The following BNC2 variants were observed in gnomAD, a reference collection of about 807,000 sequenced individuals.
BNC2 encodes basonuclin zinc finger protein 2.
Under a neutral mutation model 76.3 loss-of-function variants are expected in BNC2, and 20 were observed. That is an observed-to-expected ratio of 0.26 (90% confidence interval 0.18 to 0.38). The LOEUF (loss-of-function observed/expected upper bound fraction) is 0.38, where lower values mean the gene tolerates loss of function less well. BNC2 is among the 10% of genes least tolerant of loss of function. The pLI, the probability that BNC2 is intolerant of heterozygous loss-of-function variation, is 1.00. For synonymous variants in BNC2, 582 were observed against 514.8 expected (o/e 1.13, Z -1.77); for missense variants, 1,382 against 1,399.8 (o/e 0.99, Z 0.20).
chr9:16,776,315 T>A (rs1825967119), intron 1 of BNC2, among the ~76,000 whole-genome samples: 1 of 152,104 alleles, frequency 6.6e-6, no homozygotes, highest in African/African-American at 2.4e-5. Flanking sequence ...TATTTTTGTA[T>A]TTTTAGTAGA....
At chr9:16,630,984 C>G (rs1821145953) in intron 3 of BNC2, among the ~76,000 whole-genome samples, 1 of 152,004 alleles carries the variant, frequency 6.6e-6, no homozygotes. Context: ...GGTGATCAGC[C>G]CACCTAGGCT....
rs76618167 is a variant in BNC2, at chr9:16,541,035, C to T, written c.669+11495G>A. Among the ~76,000 whole-genome samples, 796 of 152,316 alleles carry T rather than the reference C, an allele frequency of 5.2e-3. 8 individuals are homozygous for T. The highest frequency in any genetic ancestry group is 0.018 in the African/African-American group (760 of 41,568). The stretch of plus-strand genomic sequence containing the variant: ...CAGAAGACAGGGCCATCCTCTTCTG[C>T]AGCAGGCATAGTAAAGGCTAGAGAG... On this transcript the variant is annotated intron_variant, in intron 5 of 6. Coordinates refer to ENST00000380672, the MANE Select transcript of BNC2 (RefSeq NM_017637.6).
At chr9:16,571,461 G>C (rs1563844631) in intron 4 of BNC2, among the ~76,000 whole-genome samples, 1 of 151,990 alleles carries the variant, frequency 6.6e-6, no homozygotes, top group African/African-American at 2.4e-5. Context: ...GAAAATGTTA[G>C]ATAGCTACTC....
At chr9:16,571,665 A>G (rs925806404) in intron 4 of BNC2, among the ~76,000 whole-genome samples, 3 of 152,074 alleles carry the variant, frequency 2.0e-5, no homozygotes, top group Admixed American at 1.3e-4. Flanking sequence ...AATAACACAC[A>G]TCTATAAGAT....
At chr9:16,554,481 A>G (rs1818760733) in intron 4 of BNC2, among the ~76,000 whole-genome samples, 1 of 152,176 alleles carries the variant, frequency 6.6e-6, no homozygotes, top group Non-Finnish European at 1.5e-5. Flanking sequence ...CATTTCTTGC[A>G]GCTGATTTGT....
At chr9:16,644,077 A>C (rs890965914) in intron 3 of BNC2, among the ~76,000 whole-genome samples, 2 of 152,190 alleles carry the variant, frequency 1.3e-5, no homozygotes, top group East Asian at 3.9e-4. Context: ...CAGATTTACA[A>C]ATGGTAACCT....
intron 3 of BNC2, among the ~76,000 whole-genome samples, chr9:16,717,330 A>C (rs1360959075): frequency 6.6e-6 from 1 of 152,154 alleles, no homozygotes; most frequent in African/African-American, 2.4e-5. Context: ...TTCTTTTTTA[A>C]GTATATAGCT....
chr9:16,860,482 C>T (rs1446379331), intron 1 of BNC2, among the ~76,000 whole-genome samples: 3 of 152,166 alleles, frequency 2.0e-5, no homozygotes, highest in Non-Finnish European at 4.4e-5. Flanking sequence ...CAGACATCCA[C>T]ATTCAAAAGA....
At chr9:16,437,763 C>A (rs1337156728) in intron 5 of BNC2, among the ~76,000 whole-genome samples, 2 of 152,136 alleles carry the variant, frequency 1.3e-5, no homozygotes, top group African/African-American at 4.8e-5. Context: ...TCAAAGCAAA[C>A]AAAATGTAGA....
chr9:16,635,326 C>CTTGT, intron 3 of BNC2, among the ~76,000 whole-genome samples: 1 of 152,268 alleles, frequency 6.6e-6, no homozygotes, highest in East Asian at 1.9e-4. Flanking sequence ...CATAAACATA[C>CTTGT]TTGTTTGTGG....
At chr9:16,516,655 C>CT (rs1016226547) in intron 5 of BNC2, among the ~76,000 whole-genome samples, 4 of 151,576 alleles carry the variant, frequency 2.6e-5, no homozygotes, top group Admixed American at 2.0e-4. Context: ...ATGTGTGCTT[C>CT]TTTTTTTTTC....
At chr9:16,676,573 G>C (rs1247850632) in intron 3 of BNC2, among the ~76,000 whole-genome samples, 2 of 152,204 alleles carry the variant, frequency 1.3e-5, no homozygotes, top group Non-Finnish European at 2.9e-5. Context: ...AGAAATATTG[G>C]TATTGAGAGA....
At chr9:16,457,866 T>G (rs1821488433) in intron 5 of BNC2, among the ~76,000 whole-genome samples, 1 of 152,110 alleles carries the variant, frequency 6.6e-6, no homozygotes, top group Non-Finnish European at 1.5e-5. Flanking sequence ...AACCCTTTTT[T>G]CCACACCTTC....
chr9:16,742,436 G>C (rs1824878060), intron 1 of BNC2, among the ~76,000 whole-genome samples: 2 of 152,182 alleles, frequency 1.3e-5, no homozygotes, highest in Admixed American at 6.5e-5. Context: ...AGCACTTCTA[G>C]TCCAGAATCC....
chr9:16,468,390 A>G (rs1821741687), intron 5 of BNC2, among the ~76,000 whole-genome samples: 1 of 149,926 alleles, frequency 6.7e-6, no homozygotes. Context: ...CAGTATCTTT[A>G]TTTTTTTTTA....
intron 1 of BNC2, among the ~76,000 whole-genome samples, chr9:16,773,160 G>A (rs184643645): frequency 7.2e-5 from 11 of 152,222 alleles, no homozygotes; most frequent in Admixed American, 2.0e-4. Context: ...CAGACAGACG[G>A]ATGGATCAGA....
At chr9:16,866,553 A>T (rs2136232122) in intron 1 of BNC2, among the ~76,000 whole-genome samples, 1 of 151,078 alleles carries the variant, frequency 6.6e-6, no homozygotes, top group South Asian at 2.1e-4. Flanking sequence ...AAAATATAGT[A>T]TCTGGTTGCA....
At chr9:16,597,261 TGAAG>T (rs1401891834) in intron 3 of BNC2, among the ~76,000 whole-genome samples, 5 of 152,192 alleles carry the variant, frequency 3.3e-5, no homozygotes, top group African/African-American at 1.2e-4. Flanking sequence ...TGGTGCTCTC[TGAAG>T]GATTTTCTTT....
intron 5 of BNC2, among the ~76,000 whole-genome samples, chr9:16,501,678 T>C (rs895152187): frequency 4.6e-5 from 7 of 152,066 alleles, no homozygotes; most frequent in Non-Finnish European, 8.8e-5. Context: ...CTAAGAAGCA[T>C]AAATAAGGGC....
Sources: allele counts gnomAD v4.1 joint callset (sites outside exome capture counted in the v4.1 genomes callset), GRCh38; gene constraint gnomAD v4.1.1; transcripts MANE v1.5; gene names NCBI Gene and HGNC (gene_info 2026-07-23, HGNC 2026-07-21).